Variants in CUL3 observed in about 807,000 individuals in gnomAD.
CUL3 encodes the protein cullin 3.
Under a neutral mutation model 89.1 loss-of-function variants are expected in CUL3, and 19 were observed. The observed-to-expected ratio is 0.21, with a 90% CI of 0.15 to 0.31. The LOEUF is 0.31. Among genes scored for constraint, CUL3 ranks in the 10% least tolerant of loss-of-function variants. CUL3 has a pLI of 1.00. For synonymous variants in CUL3, 351 were observed against 308.4 expected, an observed-to-expected ratio of 1.14 and a Z score of -1.45; for missense variants, 469 against 942.3, an observed-to-expected ratio of 0.50 and a Z score of 6.58.
intron 13 of CUL3, among the ~76,000 whole-genome samples, chr2:224,488,037 A>G (rs906316444): frequency 6.6e-6 from 1 of 152,170 alleles, no homozygotes; most frequent in African/African-American, 2.4e-5. Context: ...TAAATACGTT[A>G]TTTGAAACCA....
chr2:224,500,392 T>A lies in CUL3; in HGVS notation c.1581A>T (p.Ala527=), dbSNP rs41373148. 0.017 allele frequency: 27,871 copies of A among 1,614,008 alleles called. 342 individuals carry two copies. Among genetic ancestry groups the A allele is most frequent in the Non-Finnish European group, 0.02 (23,050 of 1,179,898 alleles). ...SATPKCNIPP[A]PRHAFEIFRR... Reference sequence around the variant, plus strand: ...TGAATATCTCAAAAGCATGTCTTGGTGCTGGTGGGATGTTGCACTTTGGTG... The same window carrying A: ...TGAATATCTCAAAAGCATGTCTTGGAGCTGGTGGGATGTTGCACTTTGGTG... Residue 527 remains alanine, a synonymous_variant, in exon 11 of 16, where the codon GCA becomes GCT. Transcript: ENST00000264414.
intron 1 of CUL3, among the ~76,000 whole-genome samples, chr2:224,568,738 G>A (rs772211585): frequency 1.2e-4 from 19 of 152,040 alleles, no homozygotes; most frequent in South Asian, 4.1e-4. Context: ...AAGGGTAGAC[G>A]AAATAGGCCC....
intron 1 of CUL3, among the ~76,000 whole-genome samples, chr2:224,565,894 T>C (rs373190666): frequency 1.4e-4 from 21 of 152,330 alleles, no homozygotes; most frequent in South Asian, 1.2e-3. Flanking sequence ...TAATGTATCA[T>C]TTCAGGCTAG....
At chr2:224,581,087 T>A (rs530383487) in intron 1 of CUL3, among the ~76,000 whole-genome samples, 2 of 152,254 alleles carry the variant, frequency 1.3e-5, no homozygotes, top group Non-Finnish European at 2.9e-5. Flanking sequence ...CTTGTTCTCA[T>A]CACACAGACA....
chr2:224,505,252 C>G (rs1009956101), intron 8 of CUL3, among the ~76,000 whole-genome samples: 2 of 151,994 alleles, frequency 1.3e-5, no homozygotes, highest in African/African-American at 4.8e-5. Flanking sequence ...ATTCTCCTGC[C>G]TCAGCCTCCT....
At chr2:224,512,916 G>C (rs980115473) in intron 5 of CUL3, among the ~76,000 whole-genome samples, 33 of 152,098 alleles carry the variant, frequency 2.2e-4, no homozygotes, top group Non-Finnish European at 2.9e-5. Flanking sequence ...CCATGAAGTG[G>C]ATTTTCTTCC....
At chr2:224,556,712 T>C (rs1257619901) in intron 2 of CUL3, among the ~76,000 whole-genome samples, 1 of 152,180 alleles carries the variant, frequency 6.6e-6, no homozygotes, top group South Asian at 2.1e-4. Flanking sequence ...TCATTGTTCT[T>C]TGGTTAAGTA....
chr2:224,523,396 A>C (rs1374711812), intron 3 of CUL3, among the ~76,000 whole-genome samples: 2 of 151,774 alleles, frequency 1.3e-5, no homozygotes, highest in Non-Finnish European at 2.9e-5. Flanking sequence ...ATAAAAAAAA[A>C]AAACACAAAA....
chr2:224,489,650 C>G (rs555957495), intron 13 of CUL3, among the ~76,000 whole-genome samples: 1 of 152,254 alleles, frequency 6.6e-6, no homozygotes. Context: ...GCCATACTGC[C>G]CAAAGTAATT....
intron 3 of CUL3, among the ~76,000 whole-genome samples, chr2:224,527,690 T>C (rs1314975848): frequency 6.6e-6 from 1 of 152,226 alleles, no homozygotes; most frequent in African/African-American, 2.4e-5. Context: ...CATCTTTTTC[T>C]TCCCACCTCT....
At chr2:224,538,034 T>C (rs541827216) in intron 2 of CUL3, among the ~76,000 whole-genome samples, 12 of 152,362 alleles carry the variant, frequency 7.9e-5, no homozygotes, top group African/African-American at 2.4e-4. Context: ...GTACAATGTG[T>C]CATAATTGCC....
chr2:224,512,154 G>T (rs1692852867), intron 5 of CUL3, among the ~76,000 whole-genome samples: 1 of 150,556 alleles, frequency 6.6e-6, no homozygotes, highest in Admixed American at 6.6e-5. Flanking sequence ...AGAGTGCAGT[G>T]GCGCGATCTC....
In CUL3 at chr2:224,500,345, A is replaced by T. The variant is rs780352057; in HGVS notation, c.1610+18T>A. Reference sequence around the variant, plus strand: ...CACTTACTTGTACACAGTGATACAAAGTCTGATTTTGATTTACCTTCTGAA... The same window carrying T: ...CACTTACTTGTACACAGTGATACAATGTCTGATTTTGATTTACCTTCTGAA... On this transcript the variant is annotated intron_variant, in intron 11 of 15. Coordinates refer to ENST00000264414, the MANE Select transcript of CUL3 (RefSeq NM_003590.5). 3 of 1,613,516 alleles carry T rather than the reference A, an allele frequency of 1.9e-6. No homozygotes were observed. The African/African-American group carries it at 4.0e-5, about 22-fold the overall frequency.
At chr2:224,555,754 A>C (rs1694675210) in intron 2 of CUL3, among the ~76,000 whole-genome samples, 1 of 152,148 alleles carries the variant, frequency 6.6e-6, no homozygotes, top group Non-Finnish European at 1.5e-5. Flanking sequence ...ATATATCCCA[A>C]ATATTTTTCA....
intron 1 of CUL3, 39 bp from the exon 2 acceptor site, chr2:224,557,895 A>AAAAAAAAAAAAAAAAC: frequency 8.7e-7 from 1 of 1,152,460 alleles, no homozygotes; most frequent in Non-Finnish European, 1.2e-6. Context: ...AAAAAAAAAA[A>AAAAAAAAAAAAAAAAC]AAAAAAAAAA....
chr2:224,553,154 G>A (rs1442011692), intron 2 of CUL3, among the ~76,000 whole-genome samples: 4 of 152,092 alleles, frequency 2.6e-5, no homozygotes, highest in African/African-American at 7.2e-5. Context: ...TAGTTCTTTC[G>A]ATAGTGTCCC....
At chr2:224,547,574 G>T (rs1204710273) in intron 2 of CUL3, among the ~76,000 whole-genome samples, 1 of 151,984 alleles carries the variant, frequency 6.6e-6, no homozygotes, top group Non-Finnish European at 1.5e-5. Flanking sequence ...GATTCTTGCT[G>T]GCAAGAATCA....
intron 2 of CUL3, among the ~76,000 whole-genome samples, chr2:224,542,495 T>TTGTGTGTGTGTG (rs10590934): frequency 6.7e-6 from 1 of 150,218 alleles, no homozygotes; most frequent in Non-Finnish European, 1.5e-5. Context: ...TTCTGGCTTT[T>TTGTGTGTGTGTG]TGTGTGTGTG....
At position 224,573,698 on chromosome 2, in the gene CUL3, C is replaced by T. The variant is rs1300531078; in HGVS notation, c.66+11246G>A. Among the ~76,000 whole-genome samples the T allele has an allele frequency of 4.6e-5, 7 of 152,120 alleles. 1 individual carries two copies. The highest frequency in any genetic ancestry group is 4.1e-4 in the South Asian group (2 of 4,824). ...TTAATTTTCTGTATAATGAAAACAA[C>T]ATGAACTTTTCAGTCAGACATACCT... On this transcript the variant is annotated intron_variant, in intron 1 of 15. Coordinates refer to ENST00000264414, the MANE Select transcript of CUL3 (RefSeq NM_003590.5).
Sources: gnomAD v4.1 joint callset for allele counts (sites outside exome capture counted in the v4.1 genomes callset) on GRCh38, gnomAD v4.1.1 for gene constraint, MANE v1.5 for transcripts, NCBI Gene and HGNC (gene_info 2026-07-23, HGNC 2026-07-21) for gene names.